LRRC28: variants seen among roughly 807,000 people sequenced by gnomAD.
LRRC28 encodes the protein leucine rich repeat containing 28.
LRRC28 carries 39 observed loss-of-function variants against 45.7 expected under a neutral mutation model. The observed-to-expected ratio is 0.85, with a 90% confidence interval of 0.66 to 1.12. The LOEUF (loss-of-function observed/expected upper bound fraction) is 1.12, where lower values mean the gene tolerates loss of function less well. LRRC28 is among the 50% of genes most tolerant of loss of function. The pLI, the probability that LRRC28 is intolerant of heterozygous loss-of-function variation, is 0.00. For synonymous variants in LRRC28, 206 were observed against 178.8 expected (o/e 1.15, Z -1.22); for missense variants, 435 against 438.5 (o/e 0.99, Z 0.07).
chr15:99,290,973 C>T (rs2082107418), intron 5 of LRRC28, among the ~76,000 whole-genome samples: 2 of 152,000 alleles, frequency 1.3e-5, no homozygotes, highest in South Asian at 4.1e-4. Context: ...GTCCCCAAAC[C>T]CCCACAAAAA....
chr15:99,333,879 G>A (rs1454535216), intron 5 of LRRC28, 44 bp from the exon 6 acceptor site: 1 of 1,587,462 alleles, frequency 6.3e-7, no homozygotes, highest in African/African-American at 1.3e-5. Context: ...GTTTATTTCA[G>A]TTCATAAGGA....
At chr15:99,296,619 A>G (rs1365884891) in intron 5 of LRRC28, among the ~76,000 whole-genome samples, 1 of 152,222 alleles carries the variant, frequency 6.6e-6, no homozygotes, top group South Asian at 2.1e-4. Context: ...GGTCAGCAAT[A>G]TACGTAAATA....
rs1432619355 is a variant in LRRC28 at position 99,386,974 on chromosome 15, C to T, written c.*872C>T. On this transcript the variant is annotated 3_prime_UTR_variant, in exon 10 of 10. Coordinates refer to ENST00000301981, the MANE Select transcript of LRRC28 (RefSeq NM_144598.5). ...CACATTGAAATAAGACCTCCGTGTT[C>T]TTTTTTGATGGGTTTATGATTCAGT... 1 of 152,046 alleles carries T rather than the reference C, an allele frequency of 6.6e-6. No individual in the cohort carries two copies. The highest frequency in any genetic ancestry group is 1.5e-5 in the Non-Finnish European group (1 of 68,018). 9.4% of individuals were successfully genotyped at this position (152,046 alleles called of 1,614,324 possible). A position where few individuals can be genotyped will look rare whatever the true frequency, so the allele number is the denominator to read the frequency against.
chr15:99,377,921 T>C (rs1957694852), intron 9 of LRRC28, among the ~76,000 whole-genome samples: 1 of 152,252 alleles, frequency 6.6e-6, no homozygotes, highest in African/African-American at 2.4e-5. Context: ...TTGGTACCAG[T>C]ACCATGCTGT....
At chr15:99,321,629 A>G (rs1278742092) in intron 5 of LRRC28, among the ~76,000 whole-genome samples, 1 of 152,132 alleles carries the variant, frequency 6.6e-6, no homozygotes, top group Non-Finnish European at 1.5e-5. Flanking sequence ...AACTGTTGTA[A>G]TTTTGCTAAG....
chr15:99,363,189 A>T lies in LRRC28; in HGVS notation c.955A>T (p.Ser319Cys). 1 of 1,614,080 alleles carries T rather than the reference A, an allele frequency of 6.2e-7. No individual in the cohort carries two copies. The highest frequency in any genetic ancestry group is 8.5e-7 in the Non-Finnish European group (1 of 1,179,932). ...HCPLGHCHRC[S>C]EPMFTIVYPK... Reference sequence around the variant, plus strand: ...CCCTCTGGGGCACTGTCATCGGTGTAGTGAGCCTATGTTTACCATCGTCTA... The same window carrying T: ...CCCTCTGGGGCACTGTCATCGGTGTTGTGAGCCTATGTTTACCATCGTCTA... The change falls in exon 9 of 10, where the codon AGT becomes TGT. Residue 319 changes from serine to cysteine, a missense_variant. Physicochemically the swap from Ser to Cys is moderately radical, Grantham distance 112 (BLOSUM62 -1). Coordinates refer to ENST00000301981, the MANE Select transcript of LRRC28 (RefSeq NM_144598.5).
At chr15:99,338,946 A>C (rs1956415079) in intron 6 of LRRC28, among the ~76,000 whole-genome samples, 1 of 152,190 alleles carries the variant, frequency 6.6e-6, no homozygotes, top group South Asian at 2.1e-4. Flanking sequence ...TGAGTGACAG[A>C]AGATTCTACA....
rs373095530 is a variant in LRRC28 at position 99,276,619 on chromosome 15, G to T, written c.209+3G>T. 2 of 1,515,122 alleles carry T rather than the reference G, an allele frequency of 1.3e-6. No individual in the cohort carries two copies. Among genetic ancestry groups the T allele is most frequent in the South Asian group, 2.7e-5 (2 of 73,628 alleles). The allele number at this position is 1,515,122 out of a possible 1,614,324, so 93.9% of individuals were successfully genotyped here. The stretch of plus-strand genomic sequence containing the variant: ...AAGCTTCCAAACCTTGTGGAACTGT[G>T]AGTCTGTTTATTCAAATTTTTTAAA... On this transcript the variant is annotated splice_donor_region_variant and intron_variant, in intron 3 of 9. Transcript: ENST00000301981.
At chr15:99,271,958 C>A (rs1259019154) in intron 2 of LRRC28, among the ~76,000 whole-genome samples, 1 of 152,096 alleles carries the variant, frequency 6.6e-6, no homozygotes, top group Non-Finnish European at 1.5e-5. Context: ...GAATTCATTG[C>A]CAAATCTAAG....
At chr15:99,258,563 A>G (rs1346924551) in intron 2 of LRRC28, 3 of 740,638 alleles carry the variant, frequency 4.1e-6, no homozygotes, top group Admixed American at 3.9e-5. Flanking sequence ...TAGAGGAAGA[A>G]GAAGAAAAAC....
At chr15:99,350,267 T>C (rs922619690) in intron 6 of LRRC28, among the ~76,000 whole-genome samples, 2 of 152,156 alleles carry the variant, frequency 1.3e-5, no homozygotes, top group Non-Finnish European at 2.9e-5. Context: ...GATGCTCTCA[T>C]ACGTAGCTGG....
At chr15:99,320,721 C>T (rs1321513676) in intron 5 of LRRC28, 5 of 152,176 alleles carry the variant, frequency 3.3e-5, no homozygotes, top group Non-Finnish European at 4.4e-5. Context: ...ATTTCTGGCC[C>T]ATCAAATAGA....
chr15:99,316,728 A>G (rs1955608370), intron 5 of LRRC28, among the ~76,000 whole-genome samples: 1 of 152,122 alleles, frequency 6.6e-6, no homozygotes, highest in East Asian at 1.9e-4. Flanking sequence ...AAAAAAAAAA[A>G]AAAAACTCTT....
chr15:99,379,268 G>T (rs919990621), intron 9 of LRRC28, among the ~76,000 whole-genome samples: 4 of 152,158 alleles, frequency 2.6e-5, no homozygotes, highest in Non-Finnish European at 5.9e-5. Context: ...AGTCTTGGGA[G>T]GGTGTATGTG....
chr15:99,293,882 ACTAT>A lies in LRRC28; in HGVS notation c.385+5934_385+5937del, dbSNP rs536426374. On this transcript the variant is annotated intron_variant, in intron 5 of 9. Transcript: ENST00000301981. ...TTTAGTGCAGTTCTACTGGCAGTGA[ACTAT>A]CTCAGTTTTTCTTTATGCAAAAATG... Among the ~76,000 whole-genome samples, 49 of 152,272 alleles carry A rather than the reference ACTAT, an allele frequency of 3.2e-4. 1 individual carries two copies. In the South Asian group the frequency reaches 1.0e-2, roughly 31 times the overall value.
intron 2 of LRRC28, chr15:99,256,503 C>T (rs1003832619): frequency 1.9e-5 from 3 of 155,610 alleles, no homozygotes; most frequent in South Asian, 2.1e-4. Context: ...AAAAAGTAAA[C>T]GAGAAAGACC....
Position 99,390,160 on chromosome 15 carries a change from C to G in LRRC28, c.*4058C>G, listed in dbSNP as rs182144594. 2 of 152,248 alleles carry G rather than the reference C, an allele frequency of 1.3e-5. No homozygotes were observed. Among genetic ancestry groups the G allele is most frequent in the Non-Finnish European group, 2.9e-5 (2 of 68,082 alleles). The allele number at this position is 152,248 out of a possible 1,614,324, so 9.4% of individuals were successfully genotyped here. A position where few individuals can be genotyped will look rare whatever the true frequency, so the allele number is the denominator to read the frequency against. The stretch of plus-strand genomic sequence containing the variant: ...GTTTCACTGTGCCTACAGTGAGGAG[C>G]TACCTCCTTGTGTCATCAGCTAATA... On this transcript the variant is annotated 3_prime_UTR_variant, in exon 10 of 10. Transcript: ENST00000301981.
At chr15:99,314,907 A>G (rs1052495437) in intron 5 of LRRC28, among the ~76,000 whole-genome samples, 1 of 152,170 alleles carries the variant, frequency 6.6e-6, no homozygotes, top group African/African-American at 2.4e-5. Flanking sequence ...ATTCTTGCAG[A>G]TTCATATAGC....
intron 2 of LRRC28, among the ~76,000 whole-genome samples, chr15:99,270,222 C>A (rs1350153010): frequency 1.3e-5 from 2 of 152,156 alleles, no homozygotes; most frequent in Non-Finnish European, 2.9e-5. Context: ...CTTTTTATTC[C>A]TTCAGTGCCA....
Sources: gnomAD v4.1 joint callset for allele counts (sites outside exome capture counted in the v4.1 genomes callset) on GRCh38, gnomAD v4.1.1 for gene constraint, MANE v1.5 for transcripts, NCBI Gene and HGNC (gene_info 2026-07-23, HGNC 2026-07-21) for gene names.